The following NPM1 variants were observed in gnomAD, a reference collection of about 807,000 sequenced individuals.
NPM1 encodes the protein nucleophosmin.
A neutral mutation model predicts 44.1 loss-of-function variants in NPM1; 1 was observed. The ratio of observed to expected loss-of-function variants is 0.02; its 90% confidence interval spans 0.01 to 0.11. The LOEUF is 0.11. NPM1 is among the 10% of genes least tolerant of loss of function. NPM1 has a pLI of 1.00. For synonymous variants in NPM1, 126 were observed against 111.8 expected, an observed-to-expected ratio of 1.13 and a Z score of -0.80; for missense variants, 197 against 347.8, an observed-to-expected ratio of 0.57 and a Z score of 3.45.
intron 8 of NPM1, 41 bp downstream of exon 8, chr5:171,400,966 T>G: frequency 7.4e-7 from 1 of 1,348,674 alleles, no homozygotes; most frequent in Non-Finnish European, 1.1e-6. Flanking sequence ...TTGATCTAGT[T>G]GGGGAAAAAG....
intron 10 of NPM1, among the ~76,000 whole-genome samples, chr5:171,409,804 G>A (rs1463544716): frequency 1.7e-5 from 2 of 114,856 alleles, no homozygotes; most frequent in Admixed American, 1.9e-4. Context: ...ACCATGCCTG[G>A]CCAGCTGTTT....
At chr5:171,388,552 A>G (rs1371455971) in intron 1 of NPM1, among the ~76,000 whole-genome samples, 1 of 86,192 alleles carries the variant, frequency 1.2e-5, no homozygotes, top group African/African-American at 4.7e-5. Flanking sequence ...GCGCGGCGTG[A>G]GGAGGCCGCA....
intron 6 of NPM1, among the ~76,000 whole-genome samples, chr5:171,399,215 C>A (rs1016788072): frequency 1.3e-5 from 2 of 152,084 alleles, no homozygotes; most frequent in African/African-American, 2.4e-5. Flanking sequence ...TTCTTCCTTT[C>A]CAGATTGCAT....
chr5:171,391,662 C>A, intron 3 of NPM1, 44 bp from the exon 4 acceptor site: 2 of 1,340,634 alleles, frequency 1.5e-6, no homozygotes, highest in South Asian at 1.2e-5. Context: ...GTTTATTGTT[C>A]ATTTTCTTCA....
At chr5:171,388,058 A>C in intron 1 of NPM1, 52 bp downstream of exon 1, 5 of 576,402 alleles carry the variant, frequency 8.7e-6, no homozygotes, top group Non-Finnish European at 1.7e-5. Context: ...GGTGGCGGTG[A>C]GGGTGGGGGT....
chr5:171,387,317 G>GT (rs1402222892), upstream of NPM1: 1 of 154,598 alleles, frequency 6.5e-6, no homozygotes, highest in African/African-American at 2.4e-5. Flanking sequence ...GAACTTTGGG[G>GT]TAACGATTAA....
At position 171,398,934 on chromosome 5, in the gene NPM1, A is replaced by T. The variant is rs573288047; in HGVS notation, c.525-1219A>T. ...TAGCACAGTGGCGTGATCTTGGCTC[A>T]CTGCAACCTCCGCCTCCTGGTTCCT... On this transcript the variant is annotated intron_variant, in intron 6 of 10. Coordinates refer to ENST00000296930, the MANE Select transcript of NPM1 (RefSeq NM_002520.7). Among the ~76,000 whole-genome samples the T allele has an allele frequency of 1.0e-4, 15 of 150,328 alleles. No individual in the cohort carries two copies. In the South Asian group the frequency reaches 3.2e-3, roughly 32 times the overall value.
At chr5:171,403,630 A>T (rs1305517163) in intron 8 of NPM1, among the ~76,000 whole-genome samples, 3 of 74,258 alleles carry the variant, frequency 4.0e-5, no homozygotes, top group Non-Finnish European at 8.8e-5. Context: ...CTGGCCGGGC[A>T]GGGGGGCTGA....
intron 8 of NPM1, among the ~76,000 whole-genome samples, chr5:171,404,173 G>C (rs1351262198): frequency 1.1e-5 from 1 of 93,182 alleles, no homozygotes; most frequent in Admixed American, 9.9e-5. Context: ...ACGGCTGGCC[G>C]GTCGGGGGGG....
At chr5:171,393,487 A>G (rs1770703609) in intron 6 of NPM1, among the ~76,000 whole-genome samples, 1 of 152,226 alleles carries the variant, frequency 6.6e-6, no homozygotes, top group African/African-American at 2.4e-5. Context: ...TTGGGATTTA[A>G]AATATGGTTG....
intron 6 of NPM1, among the ~76,000 whole-genome samples, chr5:171,394,994 CATGGTGA>C (rs1770806984): frequency 6.6e-6 from 1 of 152,058 alleles, no homozygotes; most frequent in African/African-American, 2.4e-5. Context: ...GCCTGGCCAA[CATGGTGA>C]AACCCGGTAT....
chr5:171,400,075 C>A, intron 6 of NPM1, 78 bp from the exon 7 acceptor site: 1 of 856,130 alleles, frequency 1.2e-6, no homozygotes, highest in Non-Finnish European at 2.0e-6. Flanking sequence ...CAAATAATCA[C>A]TTCAAGGTCC....
At chr5:171,391,192 C>T (rs777084190) in intron 2 of NPM1, 113 bp from the exon 3 acceptor site, 33 of 1,226,508 alleles carry the variant, frequency 2.7e-5, no homozygotes, top group Non-Finnish European at 3.7e-5. Flanking sequence ...CAACACATTT[C>T]TCAGAACCTA....
intron 6 of NPM1, among the ~76,000 whole-genome samples, chr5:171,398,819 T>A (rs182315799): frequency 6.6e-6 from 1 of 152,216 alleles, no homozygotes; most frequent in Non-Finnish European, 1.5e-5. Context: ...GATGTGTCTA[T>A]CCTTAACATG....
At chr5:171,403,648 C>T (rs1158651986) in intron 8 of NPM1, among the ~76,000 whole-genome samples, 1 of 135,974 alleles carries the variant, frequency 7.4e-6, no homozygotes, top group Non-Finnish European at 1.6e-5. Context: ...TGACCCCCCC[C>T]ACCTCCCTCC....
At chr5:171,410,395 T>A in intron 10 of NPM1, 132 bp from the exon 11 acceptor site, 2 of 514,838 alleles carry the variant, frequency 3.9e-6, no homozygotes, top group Non-Finnish European at 6.8e-6. Flanking sequence ...TGGAGTCATA[T>A]CTTTATCTAG....
At chr5:171,408,805 A>ATAAATAACCAGCATGTAC (rs1771689808) in intron 10 of NPM1, among the ~76,000 whole-genome samples, 3 of 152,238 alleles carry the variant, frequency 2.0e-5, no homozygotes, top group Non-Finnish European at 2.9e-5. Context: ...AAAGTCAGAC[A>ATAAATAACCAGCATGTAC]TAAATAACCA....
chr5:171,399,606 GTATTTAACCTGTA>G (rs1262101213), intron 6 of NPM1, among the ~76,000 whole-genome samples: 2 of 151,952 alleles, frequency 1.3e-5, no homozygotes, highest in African/African-American at 4.8e-5. Context: ...TCTAACGATT[GTATTTAACCTGTA>G]TATTCGGGGA....
Position 171,396,693 on chromosome 5 carries a change from C to G in NPM1, c.525-3460C>G, listed in dbSNP as rs538868402. Among the ~76,000 whole-genome samples the G allele has an allele frequency of 5.9e-5, 9 of 152,256 alleles. No homozygotes were observed. The South Asian group carries it at 1.7e-3, about 28-fold the overall frequency. Reference sequence around the variant, plus strand: ...AGTGACTCGATTTGATTACTCCCCTCCATTGTTTACCTATTAACAGTTCAC... The same window carrying G: ...AGTGACTCGATTTGATTACTCCCCTGCATTGTTTACCTATTAACAGTTCAC... On this transcript the variant is annotated intron_variant, in intron 6 of 10. Transcript: ENST00000296930.
Sources: gnomAD v4.1 joint callset for allele counts (sites outside exome capture counted in the v4.1 genomes callset) on GRCh38, gnomAD v4.1.1 for gene constraint, MANE v1.5 for transcripts, NCBI Gene and HGNC (gene_info 2026-07-23, HGNC 2026-07-21) for gene names.